Variants in SPECC1 observed in about 807,000 individuals in gnomAD.
The protein encoded by SPECC1 is sperm antigen with calponin homology and coiled-coil domains 1, also known as cytospin-B.
A neutral mutation model predicts 104.1 loss-of-function variants in SPECC1; 62 were observed. The ratio of observed to expected loss-of-function variants is 0.60; its 90% CI spans 0.49 to 0.74. The LOEUF is 0.74. SPECC1 is among the 30% of genes least tolerant of loss of function. The pLI is 0.00. For missense variants in SPECC1, 1,306 were observed against 1,310.5 expected (o/e 1.00, Z 0.05); for synonymous variants, 513 against 501.6 (o/e 1.02, Z -0.30).
At chr17:20,080,666 G>C (rs2152490499) in intron 1 of SPECC1, among the ~76,000 whole-genome samples, 1 of 152,188 alleles carries the variant, frequency 6.6e-6, no homozygotes, top group Middle Eastern at 3.4e-3. Flanking sequence ...AGGAGCTTGA[G>C]GGCCTCTCCG....
intron 1 of SPECC1, among the ~76,000 whole-genome samples, chr17:20,078,783 A>C (rs2046861516): frequency 6.6e-6 from 1 of 152,242 alleles, no homozygotes. Flanking sequence ...ATAAAAATTC[A>C]TTTAATAAAA....
At chr17:20,154,955 G>C (rs55854412) in intron 3 of SPECC1, among the ~76,000 whole-genome samples, 7,990 of 152,238 alleles carry the variant, frequency 0.052, 287 homozygotes, top group Non-Finnish European at 0.079. Flanking sequence ...TGGAGATGGA[G>C]AGGACTATTA....
chr17:20,173,028 C>G (rs1397682850), intron 3 of SPECC1, among the ~76,000 whole-genome samples: 7 of 152,160 alleles, frequency 4.6e-5, no homozygotes, highest in Non-Finnish European at 7.4e-5. Context: ...CTATGAAATC[C>G]CTTCCAATTT....
chr17:20,059,042 G>A (rs951802640), intron 1 of SPECC1, among the ~76,000 whole-genome samples: 19 of 151,326 alleles, frequency 1.3e-4, no homozygotes, highest in African/African-American at 2.9e-4. Flanking sequence ...GGGTTTCACC[G>A]TTTTAGCCAG....
In SPECC1 at chr17:20,247,359, T is replaced by C. The variant is rs753908617; in HGVS notation, c.2598+40T>C. On this transcript the variant is annotated intron_variant, in intron 9 of 14. Transcript: ENST00000395527. Reference sequence around the variant, plus strand: ...GAAATAACCACTGCTTATGGTTTGCTGTGTATCCCTCTAGATGTTTTTCTT... The same window carrying C: ...GAAATAACCACTGCTTATGGTTTGCCGTGTATCCCTCTAGATGTTTTTCTT... 9 of 1,432,526 alleles carry C rather than the reference T, an allele frequency of 6.3e-6. No homozygotes were observed. In the South Asian group the frequency reaches 1.1e-4, roughly 17 times the overall value. 88.7% of individuals were successfully genotyped at this position (1,432,526 alleles called of 1,614,324 possible).
intron 3 of SPECC1, among the ~76,000 whole-genome samples, chr17:20,200,663 G>A (rs992475040): frequency 6.6e-6 from 1 of 152,186 alleles, no homozygotes; most frequent in African/African-American, 2.4e-5. Context: ...AGGAGGTGTC[G>A]TAAGCTGTAG....
intron 2 of SPECC1, among the ~76,000 whole-genome samples, chr17:20,105,604 C>A (rs1167992446): frequency 6.6e-6 from 1 of 152,224 alleles, no homozygotes; most frequent in Non-Finnish European, 1.5e-5. Context: ...CAGAGACCCC[C>A]CAGCCCTGAG....
At chr17:20,253,618 T>G in intron 10 of SPECC1, 32 bp downstream of exon 10, 1 of 1,599,976 alleles carries the variant, frequency 6.3e-7, no homozygotes, top group South Asian at 1.1e-5. Context: ...AACTTTTGAC[T>G]TATCTTTCCG....
At chr17:20,282,375 C>A (rs148711074) in intron 12 of SPECC1, among the ~76,000 whole-genome samples, 1 of 152,262 alleles carries the variant, frequency 6.6e-6, no homozygotes, top group Non-Finnish European at 1.5e-5. Context: ...TCACCGTGGC[C>A]GCTGTCTCCA....
chr17:20,155,469 T>C (rs922440471), intron 3 of SPECC1: 4 of 152,230 alleles, frequency 2.6e-5, no homozygotes, highest in Non-Finnish European at 5.9e-5. Flanking sequence ...ATTTCCATTT[T>C]AGTAATTTCC....
chr17:20,228,617 A>G (rs2038382302), intron 5 of SPECC1, among the ~76,000 whole-genome samples: 2 of 152,212 alleles, frequency 1.3e-5, no homozygotes, highest in African/African-American at 4.8e-5. Context: ...TGGATGAACA[A>G]TGTGTGCTCT....
intron 12 of SPECC1, 59 bp from the exon 13 acceptor site, chr17:20,296,902 T>A: frequency 1.4e-6 from 2 of 1,455,574 alleles, no homozygotes; most frequent in Non-Finnish European, 1.9e-6. Flanking sequence ...ATCTTCCTCA[T>A]CTGTGATACT....
intron 2 of SPECC1, among the ~76,000 whole-genome samples, chr17:20,105,647 G>A (rs1173436702): frequency 1.3e-5 from 2 of 152,050 alleles, no homozygotes; most frequent in African/African-American, 2.4e-5. Context: ...CTTTCCCCCC[G>A]GTCACTGCTA....
intron 3 of SPECC1, among the ~76,000 whole-genome samples, chr17:20,195,390 A>G (rs2035963427): frequency 6.6e-6 from 1 of 152,210 alleles, no homozygotes; most frequent in Non-Finnish European, 1.5e-5. Context: ...ATAATATTAG[A>G]ATTATAGGAG....
chr17:20,119,893 G>T (rs554120194), intron 3 of SPECC1, among the ~76,000 whole-genome samples: 78 of 152,326 alleles, frequency 5.1e-4, no homozygotes, highest in African/African-American at 1.8e-3. Flanking sequence ...TTCAAAATCT[G>T]AAATGTTTTG....
At chr17:20,164,193 A>G (rs1242947491) in intron 3 of SPECC1, among the ~76,000 whole-genome samples, 1 of 147,842 alleles carries the variant, frequency 6.8e-6, no homozygotes, top group East Asian at 2.0e-4. Flanking sequence ...TTTTTTAAAG[A>G]GACAAAGTCT....
intron 1 of SPECC1, among the ~76,000 whole-genome samples, chr17:20,016,149 C>T (rs2044116803): frequency 6.9e-6 from 1 of 145,068 alleles, no homozygotes; most frequent in Non-Finnish European, 1.5e-5. Context: ...ACCCGGGAGG[C>T]GGAGCTTGCA....
chr17:20,214,095 T>A (rs2037336185), intron 4 of SPECC1, among the ~76,000 whole-genome samples: 1 of 152,226 alleles, frequency 6.6e-6, no homozygotes, highest in South Asian at 2.1e-4. Flanking sequence ...TTTGGCTCTG[T>A]GGACTTGGGT....
At chr17:20,274,677 T>C (rs909004206) in intron 12 of SPECC1, among the ~76,000 whole-genome samples, 3 of 151,724 alleles carry the variant, frequency 2.0e-5, no homozygotes, top group Non-Finnish European at 2.9e-5. Context: ...AGACGAGGTT[T>C]CACCACATTA....
Sources: allele counts gnomAD v4.1 joint callset (sites outside exome capture counted in the v4.1 genomes callset), GRCh38; gene constraint gnomAD v4.1.1; transcripts MANE v1.5; gene names NCBI Gene and HGNC (gene_info 2026-07-23, HGNC 2026-07-21).